The following HTR1F variants were observed in gnomAD, a reference collection of about 807,000 sequenced individuals.
The protein encoded by HTR1F is 5-hydroxytryptamine (serotonin) receptor 1F, G protein-coupled.
Under a neutral mutation model 24.0 loss-of-function variants are expected in HTR1F, and 17 were observed. The ratio of observed to expected loss-of-function variants is 0.71; its 90% CI spans 0.48 to 1.06. The LOEUF is 1.06. Ranked by LOEUF, HTR1F falls within the 50% of genes least tolerant of loss-of-function variation. The pLI, the probability that HTR1F is intolerant of heterozygous loss-of-function variation, is 0.00. For missense variants in HTR1F, 391 were observed against 427.8 expected (o/e 0.91, Z 0.76); for synonymous variants, 186 against 156.8 (o/e 1.19, Z -1.39).
At chr3:87,956,564 A>T (rs1704947983) in intron 2 of HTR1F, among the ~76,000 whole-genome samples, 1 of 151,392 alleles carries the variant, frequency 6.6e-6, no homozygotes, top group African/African-American at 2.4e-5. Flanking sequence ...ACTATGTGGA[A>T]TCTATAGATA....
At chr3:87,988,977 T>G (rs1379904795) in intron 2 of HTR1F, among the ~76,000 whole-genome samples, 2 of 152,142 alleles carry the variant, frequency 1.3e-5, no homozygotes, top group African/African-American at 2.4e-5. Flanking sequence ...AAGTATTAAT[T>G]TATCAGTTCC....
intron 2 of HTR1F, among the ~76,000 whole-genome samples, chr3:87,913,687 C>A (rs760456295): frequency 6.6e-6 from 1 of 152,160 alleles, no homozygotes; most frequent in Non-Finnish European, 1.5e-5. Flanking sequence ...AACCTAAGCA[C>A]CCATCAATGG....
intron 2 of HTR1F, among the ~76,000 whole-genome samples, chr3:87,967,332 C>T (rs1400450438): frequency 6.6e-6 from 1 of 152,072 alleles, no homozygotes; most frequent in Non-Finnish European, 1.5e-5. Context: ...CTCCTGTAAT[C>T]CCCGCTACTC....
intron 1 of HTR1F, among the ~76,000 whole-genome samples, chr3:87,795,153 A>T (rs1002734916): frequency 9.2e-5 from 14 of 151,976 alleles, no homozygotes; most frequent in African/African-American, 3.1e-4. Context: ...ACACCCAGCT[A>T]ATTTGTATTT....
At chr3:87,818,401 C>T (rs1704290020) in intron 1 of HTR1F, among the ~76,000 whole-genome samples, 1 of 152,116 alleles carries the variant, frequency 6.6e-6, no homozygotes, top group Non-Finnish European at 1.5e-5. Flanking sequence ...TAAAACATAC[C>T]TCTATTTAAG....
intron 2 of HTR1F, among the ~76,000 whole-genome samples, chr3:87,862,748 C>A (rs1705343530): frequency 1.3e-5 from 2 of 152,150 alleles, no homozygotes; most frequent in South Asian, 2.1e-4. Context: ...GATCATTTTT[C>A]TTTAATTTTT....
At chr3:87,852,972 T>A (rs1705120349) in intron 2 of HTR1F, among the ~76,000 whole-genome samples, 1 of 151,404 alleles carries the variant, frequency 6.6e-6, no homozygotes. Context: ...GTGGCTGTTT[T>A]TTTTTTTTGC....
chr3:87,896,169 A>C (rs1706195187), intron 2 of HTR1F, among the ~76,000 whole-genome samples: 1 of 152,162 alleles, frequency 6.6e-6, no homozygotes, highest in Non-Finnish European at 1.5e-5. Context: ...GACCCCTCTG[A>C]CTATTTACCA....
chr3:87,915,168 G>A (rs1463000204), intron 2 of HTR1F, among the ~76,000 whole-genome samples: 7 of 152,152 alleles, frequency 4.6e-5, no homozygotes, highest in Admixed American at 3.9e-4. Flanking sequence ...ACTACATCAA[G>A]GGAACATACT....
At chr3:87,955,464 G>C (rs1704923811) in intron 2 of HTR1F, among the ~76,000 whole-genome samples, 1 of 151,288 alleles carries the variant, frequency 6.6e-6, no homozygotes, top group South Asian at 2.1e-4. Flanking sequence ...GAATTGGGTT[G>C]TTTCTAGTTT....
chr3:87,905,629 A>C (rs1200131005), intron 2 of HTR1F, among the ~76,000 whole-genome samples: 1 of 152,032 alleles, frequency 6.6e-6, no homozygotes. Flanking sequence ...ATTTCTTCTA[A>C]AGAATGTTAT....
At chr3:87,820,175 A>AT (rs1370534998) in intron 1 of HTR1F, among the ~76,000 whole-genome samples, 11,699 of 130,596 alleles carry the variant, frequency 0.09, 618 homozygotes, top group Non-Finnish European at 0.1. Flanking sequence ...ATCATGACCC[A>AT]TTTTTTTTTT....
At chr3:87,958,432 G>A (rs992339756) in intron 2 of HTR1F, among the ~76,000 whole-genome samples, 7 of 151,498 alleles carry the variant, frequency 4.6e-5, no homozygotes, top group Admixed American at 1.3e-4. Flanking sequence ...GTGCCCTTGA[G>A]TACACTGACT....
intron 2 of HTR1F, among the ~76,000 whole-genome samples, chr3:87,823,018 G>T (rs565736886): frequency 6.6e-6 from 1 of 151,984 alleles, no homozygotes; most frequent in East Asian, 1.9e-4. Context: ...AAAATTTTAA[G>T]TTTTATATAA....
chr3:87,946,273 C>T (rs1704702488), intron 2 of HTR1F, among the ~76,000 whole-genome samples: 1 of 152,148 alleles, frequency 6.6e-6, no homozygotes, highest in African/African-American at 2.4e-5. Context: ...AGCAAAAGCT[C>T]AGCTCGAACC....
intron 2 of HTR1F, among the ~76,000 whole-genome samples, chr3:87,849,986 A>G (rs1705044166): frequency 1.3e-5 from 2 of 151,976 alleles, no homozygotes; most frequent in South Asian, 2.1e-4. Flanking sequence ...GTGGAGAAAT[A>G]AGAACACTTT....
chr3:87,823,785 C>G (rs1248259772), intron 2 of HTR1F, among the ~76,000 whole-genome samples: 1 of 152,034 alleles, frequency 6.6e-6, no homozygotes, highest in Admixed American at 6.5e-5. Flanking sequence ...ACAGGCCAGG[C>G]ACAGTGGTTC....
intron 2 of HTR1F, among the ~76,000 whole-genome samples, chr3:87,884,241 C>T (rs1705882002): frequency 6.6e-6 from 1 of 152,152 alleles, no homozygotes; most frequent in Admixed American, 6.5e-5. Context: ...CCCAGCCAAA[C>T]TCAGCTTCAT....
chr3:87,945,941 C>T (rs1299835906), intron 2 of HTR1F, among the ~76,000 whole-genome samples: 6 of 152,116 alleles, frequency 3.9e-5, no homozygotes, highest in African/African-American at 4.8e-5. Flanking sequence ...AAGATGGTGG[C>T]AAGCCTCGGG....
Sources: gnomAD v4.1 joint callset for allele counts (sites outside exome capture counted in the v4.1 genomes callset) on GRCh38, gnomAD v4.1.1 for gene constraint, MANE v1.5 for transcripts, NCBI Gene and HGNC (gene_info 2026-07-23, HGNC 2026-07-21) for gene names.